CTNNA2: variants seen among roughly 807,000 people sequenced by gnomAD.
CTNNA2 encodes catenin alpha 2.
A neutral mutation model predicts 101.0 loss-of-function variants in CTNNA2; 42 were observed. The ratio of observed to expected loss-of-function variants is 0.42; its 90% CI spans 0.32 to 0.54. The LOEUF is 0.54. CTNNA2 is among the 20% of genes least tolerant of loss of function. CTNNA2 has a pLI of 0.14. For missense variants in CTNNA2, 871 were observed against 1,223.1 expected, an observed-to-expected ratio of 0.71 and a Z score of 4.29; for synonymous variants, 450 against 456.4, an observed-to-expected ratio of 0.99 and a Z score of 0.18.
intron 3 of CTNNA2, among the ~76,000 whole-genome samples, chr2:79,849,197 A>G (rs1680476050): frequency 1.3e-5 from 2 of 152,070 alleles, no homozygotes; most frequent in South Asian, 4.1e-4. Context: ...TAAAGAGACC[A>G]TGGAGCCCAC....
At chr2:80,092,255 A>C (rs980519870) in intron 7 of CTNNA2, among the ~76,000 whole-genome samples, 1 of 152,168 alleles carries the variant, frequency 6.6e-6, no homozygotes, top group African/African-American at 2.4e-5. Flanking sequence ...GCAAATAAGT[A>C]GTTGTATAGC....
At chr2:79,471,855 G>C (rs2250247) in intron 4 of CTNNA2, among the ~76,000 whole-genome samples, 56,490 of 150,054 alleles carry the variant, frequency 0.38, 10,762 homozygotes, top group South Asian at 0.46. Context: ...AAAAAAAAAA[G>C]ATTTTAACAT....
At chr2:80,571,808 C>T (rs1490630482) in intron 12 of CTNNA2, among the ~76,000 whole-genome samples, 1 of 152,100 alleles carries the variant, frequency 6.6e-6, no homozygotes, top group East Asian at 1.9e-4. Context: ...TTGGAGGATT[C>T]AGAATAGGGC....
At chr2:80,182,761 C>CTG (rs1705861969) in intron 7 of CTNNA2, among the ~76,000 whole-genome samples, 1 of 152,134 alleles carries the variant, frequency 6.6e-6, no homozygotes, top group Non-Finnish European at 1.5e-5. Flanking sequence ...CAGCTATGTG[C>CTG]AGTTGAGGAC....
At chr2:80,037,259 A>G (rs1184297245) in intron 7 of CTNNA2, among the ~76,000 whole-genome samples, 1 of 152,190 alleles carries the variant, frequency 6.6e-6, no homozygotes, top group Non-Finnish European at 1.5e-5. Context: ...TTCTCATCCC[A>G]GGGAAATCAT....
chr2:80,194,629 T>TA (rs1038826564), intron 7 of CTNNA2, among the ~76,000 whole-genome samples: 2 of 151,496 alleles, frequency 1.3e-5, no homozygotes, highest in African/African-American at 2.4e-5. Flanking sequence ...CTCTAGGTAG[T>TA]AAAAAAAGAT....
intron 4 of CTNNA2, among the ~76,000 whole-genome samples, chr2:79,448,971 C>T (rs937359551): frequency 6.6e-6 from 1 of 151,902 alleles, no homozygotes; most frequent in Non-Finnish European, 1.5e-5. Context: ...TCAGAAAATG[C>T]GCATTTGACT....
At chr2:79,948,031 G>C (rs992827409) in intron 7 of CTNNA2, among the ~76,000 whole-genome samples, 18 of 152,202 alleles carry the variant, frequency 1.2e-4, no homozygotes, top group African/African-American at 4.3e-4. Context: ...AGGTCATGTG[G>C]TAATGTCTGC....
chr2:80,056,579 C>A (rs1473031090), intron 7 of CTNNA2, among the ~76,000 whole-genome samples: 1 of 152,190 alleles, frequency 6.6e-6, no homozygotes, highest in East Asian at 1.9e-4. Context: ...TCCTGGTTAC[C>A]ATACCATAAA....
intron 7 of CTNNA2, among the ~76,000 whole-genome samples, chr2:80,253,311 A>C (rs1671903644): frequency 6.6e-6 from 1 of 152,150 alleles, no homozygotes; most frequent in Admixed American, 6.6e-5. Context: ...CATCTCAATT[A>C]ATTTTCAAGC....
chr2:79,690,320 T>C (rs1317986416), intron 2 of CTNNA2, among the ~76,000 whole-genome samples: 1 of 152,066 alleles, frequency 6.6e-6, no homozygotes, highest in Non-Finnish European at 1.5e-5. Context: ...TGATATTCTA[T>C]TATTTTTATA....
At chr2:80,494,489 G>A (rs1198673819) in intron 9 of CTNNA2, among the ~76,000 whole-genome samples, 2 of 152,034 alleles carry the variant, frequency 1.3e-5, no homozygotes, top group Non-Finnish European at 2.9e-5. Flanking sequence ...TGGTGGGGGG[G>A]ACTATACATA....
chr2:80,223,334 G>A (rs1708685914), intron 7 of CTNNA2, among the ~76,000 whole-genome samples: 2 of 152,218 alleles, frequency 1.3e-5, no homozygotes, highest in South Asian at 4.1e-4. Flanking sequence ...ATTGCTGGTG[G>A]CGCAATCTCG....
At chr2:80,538,711 C>T (rs1691265091) in intron 9 of CTNNA2, among the ~76,000 whole-genome samples, 1 of 152,148 alleles carries the variant, frequency 6.6e-6, no homozygotes, top group African/African-American at 2.4e-5. Flanking sequence ...TATACAGGCT[C>T]TTTTTTGTTT....
intron 8 of CTNNA2, among the ~76,000 whole-genome samples, chr2:80,415,634 A>C (rs1488961984): frequency 6.6e-6 from 1 of 152,288 alleles, no homozygotes; most frequent in Non-Finnish European, 1.5e-5. Flanking sequence ...GTACAATCAT[A>C]GAAAACAGTA....
At chr2:80,117,632 GGCTTTTCCAGGCCA>G (rs1701601218) in intron 7 of CTNNA2, among the ~76,000 whole-genome samples, 1 of 152,098 alleles carries the variant, frequency 6.6e-6, no homozygotes. Context: ...AGTCACAGCT[GGCTTTTCCAGGCCA>G]GTTGGCTGGA....
At chr2:79,926,428 T>C (rs1472123922) in intron 7 of CTNNA2, among the ~76,000 whole-genome samples, 1 of 152,114 alleles carries the variant, frequency 6.6e-6, no homozygotes, top group African/African-American at 2.4e-5. Flanking sequence ...ATTTATTTCC[T>C]TTATTGTGAA....
At chr2:80,012,177 A>C (rs1693836871) in intron 7 of CTNNA2, among the ~76,000 whole-genome samples, 1 of 152,148 alleles carries the variant, frequency 6.6e-6, no homozygotes, top group Admixed American at 6.5e-5. Flanking sequence ...CGACGGTGCC[A>C]AGCAGAGAGA....
chr2:79,649,470 A>T (rs553397144), intron 1 of CTNNA2: 4 of 154,782 alleles, frequency 2.6e-5, no homozygotes, highest in Non-Finnish European at 5.9e-5. Context: ...CTGTATCATA[A>T]GTACTGGACT....
Sources: gnomAD v4.1 joint callset for allele counts (sites outside exome capture counted in the v4.1 genomes callset) on GRCh38, gnomAD v4.1.1 for gene constraint, MANE v1.5 for transcripts, NCBI Gene and HGNC (gene_info 2026-07-23, HGNC 2026-07-21) for gene names.